The following KALRN variants were observed in gnomAD, a reference collection of about 807,000 sequenced individuals.
KALRN encodes kalirin RhoGEF kinase.
KALRN carries 70 observed loss-of-function variants against 353.7 expected under a neutral mutation model. That is an observed-to-expected ratio of 0.20 (90% CI 0.16 to 0.24). The LOEUF (loss-of-function observed/expected upper bound fraction) is 0.24. Ranked by LOEUF, KALRN falls within the 10% of genes least tolerant of loss-of-function variation. The probability of loss-of-function intolerance (pLI) is 1.00; values close to 1 mark genes in which losing one functional copy is unlikely to be tolerated. For missense variants in KALRN, 2,791 were observed against 3,756.7 expected (o/e 0.74, Z 6.72); for synonymous variants, 1,391 against 1,434.8 (o/e 0.97, Z 0.69).
intron 32 of KALRN, among the ~76,000 whole-genome samples, chr3:124,494,566 T>G (rs931856149): frequency 2.0e-5 from 3 of 152,258 alleles, no homozygotes; most frequent in Non-Finnish European, 4.4e-5. Flanking sequence ...CAGATTTTCC[T>G]TCCTATGAAT....
At chr3:124,330,086 G>A in intron 8 of KALRN, 94 bp downstream of exon 8, 1 of 1,320,906 alleles carries the variant, frequency 7.6e-7, no homozygotes, top group Non-Finnish European at 1.0e-6. Context: ...AATAGCCTGG[G>A]TGGGACTAAG....
intron 1 of KALRN, among the ~76,000 whole-genome samples, chr3:124,173,459 AG>A (rs1446101272): frequency 6.6e-6 from 1 of 152,160 alleles, no homozygotes; most frequent in African/African-American, 2.4e-5. Context: ...GTTAATCTGA[AG>A]TTACTTGGGA....
At chr3:124,692,906 G>C (rs550122183) in intron 51 of KALRN, among the ~76,000 whole-genome samples, 1 of 152,320 alleles carries the variant, frequency 6.6e-6, no homozygotes, top group African/African-American at 2.4e-5. Flanking sequence ...TGGATGATTA[G>C]TGGTAATACA....
chr3:124,694,531 C>G (rs371990892), intron 53 of KALRN, 28 bp downstream of exon 53: 5 of 1,603,842 alleles, frequency 3.1e-6, no homozygotes, highest in East Asian at 4.5e-5. Flanking sequence ...ACATCAGCAA[C>G]AGCAGCCCCT....
At chr3:124,416,382 G>T (rs1179249080) in intron 14 of KALRN, among the ~76,000 whole-genome samples, 2 of 152,216 alleles carry the variant, frequency 1.3e-5, no homozygotes, top group African/African-American at 4.8e-5. Context: ...GGCTGAGTGG[G>T]GTGAAAACAC....
Position 124,101,485 on chromosome 3 carries a change from T to C in KALRN, c.73+67672T>C, listed in dbSNP as rs79839783. Among the ~76,000 whole-genome samples the C allele has an allele frequency of 2.2e-3, 334 of 152,326 alleles. 5 individuals carry two copies. In the East Asian group the frequency reaches 0.053, roughly 24 times the overall value. ...GGCTCTACTTTGACCAGGAATCTAC[T>C]TGGGTTTGTCACTAAAGTTCACCTC... On this transcript the variant is annotated intron_variant, in intron 1 of 59. Coordinates refer to ENST00000682506, the MANE Select transcript of KALRN (RefSeq NM_001388419.1).
intron 34 of KALRN, among the ~76,000 whole-genome samples, chr3:124,609,799 T>G (rs938864428): frequency 6.6e-6 from 1 of 152,234 alleles, no homozygotes; most frequent in Non-Finnish European, 1.5e-5. Flanking sequence ...CTGTCACTAT[T>G]GGGTTAAGTA....
At chr3:124,452,071 AT>A (rs2058839411) in intron 21 of KALRN, among the ~76,000 whole-genome samples, 1 of 152,218 alleles carries the variant, frequency 6.6e-6, no homozygotes, top group Admixed American at 6.5e-5. Flanking sequence ...GGCTGCCCTC[AT>A]AAGACAAGTT....
chr3:124,116,290 A>G (rs925969928), intron 1 of KALRN, among the ~76,000 whole-genome samples: 1 of 152,228 alleles, frequency 6.6e-6, no homozygotes, highest in Non-Finnish European at 1.5e-5. Flanking sequence ...GTACTGGAAA[A>G]AGAACTTGGA....
At chr3:124,518,547 C>A in intron 33 of KALRN, 1 of 1,611,178 alleles carries the variant, frequency 6.2e-7, no homozygotes, top group Non-Finnish European at 8.5e-7. Flanking sequence ...AATCACCCAC[C>A]TCTCTTGAGA....
At chr3:124,209,998 A>G (rs2076768497) in intron 1 of KALRN, among the ~76,000 whole-genome samples, 1 of 152,196 alleles carries the variant, frequency 6.6e-6, no homozygotes, top group Non-Finnish European at 1.5e-5. Context: ...GTGTTTCTTC[A>G]GAGAGTAAAG....
chr3:124,685,229 C>A lies in KALRN; in HGVS notation c.7377+5712C>A, dbSNP rs115739436. On this transcript the variant is annotated intron_variant, in intron 51 of 59. Coordinates refer to ENST00000682506, the MANE Select transcript of KALRN (RefSeq NM_001388419.1). ...TCTGAAGGGTGTGGCTTGAAGACTTCCTGCCTGGCTTTGTTCTGACTCTCC... is the reference window on the plus strand; with the variant it reads ...TCTGAAGGGTGTGGCTTGAAGACTTACTGCCTGGCTTTGTTCTGACTCTCC... Among the ~76,000 whole-genome samples, 760 of 152,116 alleles carry A rather than the reference C, an allele frequency of 5.0e-3. 6 individuals are homozygous for A. The highest frequency in any genetic ancestry group is 0.02 in the South Asian group (94 of 4,798).
intron 33 of KALRN, among the ~76,000 whole-genome samples, chr3:124,562,411 G>A (rs2072166044): frequency 1.3e-5 from 2 of 151,968 alleles, no homozygotes; most frequent in Non-Finnish European, 2.9e-5. Context: ...GAGGGTGGTA[G>A]TCAGGGCAGG....
In KALRN at chr3:124,694,368, C is replaced by T. The variant is rs745901858; in HGVS notation, c.7442C>T (p.Thr2481Ile). The T allele has an allele frequency of 3.7e-6, 6 of 1,614,192 alleles. No homozygotes were observed. The highest frequency in any genetic ancestry group is 3.3e-5 in the South Asian group (3 of 91,076). Reference sequence around the variant, plus strand: ...TTCCTTGTGCCCTTGGTGGATGTGACCTGCTTGCTTGGGGACACAGTGATA... The same window carrying T: ...TTCCTTGTGCCCTTGGTGGATGTGATCTGCTTGCTTGGGGACACAGTGATA... ...PEFLVPLVDV[T>I]CLLGDTVILQ... The change falls in exon 53 of 60, where the codon ACC becomes ATC. Residue 2481 changes from threonine (T) to isoleucine (I), a missense_variant. By Grantham distance (89) the Thr-to-Ile change is moderately conservative (BLOSUM62 -1). Around this residue, in one of 11 missense-constraint regions of KALRN, gnomAD observed 1,065 missense variants for 1,156.4 expected, o/e 0.92. Coordinates refer to ENST00000682506, the MANE Select transcript of KALRN (RefSeq NM_001388419.1).
chr3:124,325,018 T>G (rs980070026), intron 6 of KALRN, among the ~76,000 whole-genome samples: 1 of 152,198 alleles, frequency 6.6e-6, no homozygotes, highest in Non-Finnish European at 1.5e-5. Flanking sequence ...CTCAGACAAC[T>G]AATAGGAGAT....
At chr3:124,584,718 G>A in intron 34 of KALRN, 1 of 1,488,446 alleles carries the variant, frequency 6.7e-7, no homozygotes, top group South Asian at 1.4e-5. Flanking sequence ...CGGGGAGGGC[G>A]GGAGCCGGCT....
chr3:124,269,393 T>A (rs1252056485), intron 5 of KALRN, 138 bp downstream of exon 5: 7 of 886,744 alleles, frequency 7.9e-6, no homozygotes, highest in Non-Finnish European at 1.2e-5. Context: ...CTAATGTAAT[T>A]TTTTTAAGCT....
At chr3:124,174,215 C>A (rs1489815251) in intron 1 of KALRN, among the ~76,000 whole-genome samples, 3 of 151,976 alleles carry the variant, frequency 2.0e-5, no homozygotes, top group Admixed American at 1.3e-4. Context: ...GGATGGATCA[C>A]TTGAGGTTGG....
At chr3:124,576,887 C>G (rs1026466659) in intron 34 of KALRN, among the ~76,000 whole-genome samples, 20 of 152,182 alleles carry the variant, frequency 1.3e-4, no homozygotes, top group African/African-American at 4.8e-4. Context: ...TACTGCCCTA[C>G]TTTGGGAACA....
Sources: gnomAD v4.1 joint callset for allele counts (sites outside exome capture counted in the v4.1 genomes callset) on GRCh38, gnomAD v4.1.1 for gene constraint, gnomAD v4.1.1 regional missense constraint, MANE v1.5 for transcripts, NCBI Gene and HGNC (gene_info 2026-07-23, HGNC 2026-07-21) for gene names.